Variants in TNFRSF11B observed in about 807,000 individuals in gnomAD.
TNFRSF11B encodes the protein tumor necrosis factor receptor superfamily member 11B.
A neutral mutation model predicts 43.4 loss-of-function variants in TNFRSF11B; 16 were observed. That is an observed-to-expected ratio of 0.37 (90% CI 0.25 to 0.56). The LOEUF is 0.56. TNFRSF11B is among the 20% of genes least tolerant of loss of function. The probability of loss-of-function intolerance (pLI) is 0.80; values close to 1 mark genes in which losing one functional copy is unlikely to be tolerated. For synonymous variants in TNFRSF11B, 185 were observed against 181.8 expected, an observed-to-expected ratio of 1.02 and a Z score of -0.14; for missense variants, 444 against 490.1, an observed-to-expected ratio of 0.91 and a Z score of 0.89.
intron 2 of TNFRSF11B, 152 bp downstream of exon 2, chr8:118,932,779 C>A (rs1211992021): frequency 1.1e-6 from 1 of 932,946 alleles, no homozygotes; most frequent in Non-Finnish European, 1.6e-6. Context: ...CCTTTGGAAG[C>A]ACTCCAGACA....
At chr8:118,931,564 ACTTAG>A (rs1009031870) in intron 2 of TNFRSF11B, among the ~76,000 whole-genome samples, 1 of 152,124 alleles carries the variant, frequency 6.6e-6, no homozygotes, top group South Asian at 2.1e-4. Flanking sequence ...CACACACACA[ACTTAG>A]CTTAGCTTTT....
chr8:118,929,091 A>C (rs942797286), intron 2 of TNFRSF11B, 162 bp from the exon 3 acceptor site: 4 of 673,782 alleles, frequency 5.9e-6, no homozygotes, highest in Non-Finnish European at 1.0e-5. Context: ...TAGACAGAAC[A>C]AAACTTCCAC....
At chr8:118,928,973 T>C (rs749788973) in intron 2 of TNFRSF11B, 44 bp from the exon 3 acceptor site, 2 of 1,592,976 alleles carry the variant, frequency 1.3e-6, no homozygotes, top group African/African-American at 2.7e-5. Context: ...CCTCAAATCG[T>C]TTCCCAGCAG....
At chr8:118,932,829 T>G in intron 2 of TNFRSF11B, 102 bp downstream of exon 2, 1 of 1,501,726 alleles carries the variant, frequency 6.7e-7, no homozygotes, top group Admixed American at 1.8e-5. Flanking sequence ...CTTTGCAATT[T>G]GCTATCCTAT....
At chr8:118,930,059 AG>A (rs1812304864) in intron 2 of TNFRSF11B, among the ~76,000 whole-genome samples, 1 of 152,182 alleles carries the variant, frequency 6.6e-6, no homozygotes, top group African/African-American at 2.4e-5. Flanking sequence ...AAAATGACAA[AG>A]GGCTGGCAGA....
chr8:118,929,023 GT>G, intron 2 of TNFRSF11B, 94 bp from the exon 3 acceptor site: 1 of 1,144,568 alleles, frequency 8.7e-7, no homozygotes, highest in Non-Finnish European at 1.3e-6. Flanking sequence ...TTTTCACTTG[GT>G]TTTTACTGCT....
intron 1 of TNFRSF11B, among the ~76,000 whole-genome samples, chr8:118,935,482 A>G (rs923814213): frequency 6.6e-6 from 1 of 152,178 alleles, no homozygotes; most frequent in Admixed American, 6.5e-5. Flanking sequence ...ATTACAAATA[A>G]TGATCAAAGT....
At chr8:118,947,430 G>A (rs1452544744) in intron 1 of TNFRSF11B, among the ~76,000 whole-genome samples, 2 of 152,112 alleles carry the variant, frequency 1.3e-5, no homozygotes, top group Non-Finnish European at 2.9e-5. Flanking sequence ...CTTGCAAAGA[G>A]CCCATACTTT....
Position 118,924,557 on chromosome 8 carries a change from G to A in TNFRSF11B, c.1023C>T (p.Thr341=). The change falls in exon 5 of 5, where the codon ACC becomes ACT. Residue 341 remains threonine (T), a synonymous_variant. Transcript: ENST00000297350. ...TTAGTGCGTGCATTAGGCCCTTCAA[G>A]GTGTCTTGGTCGCCATTTTTTATTC... The part of the protein sequence containing the change: ...LWRIKNGDQD[T]LKGLMHALKH... 6.2e-7 allele frequency: 1 copy of A among 1,614,158 alleles called. No homozygotes were observed. The highest frequency in any genetic ancestry group is 8.5e-7 in the Non-Finnish European group (1 of 1,180,036).
intron 1 of TNFRSF11B, among the ~76,000 whole-genome samples, chr8:118,939,273 A>T (rs1812444916): frequency 6.6e-6 from 1 of 152,150 alleles, no homozygotes; most frequent in South Asian, 2.1e-4. Context: ...CAAATAATTC[A>T]TTTATTCATT....
intron 1 of TNFRSF11B, among the ~76,000 whole-genome samples, chr8:118,940,560 G>A (rs1812472673): frequency 6.6e-6 from 1 of 152,132 alleles, no homozygotes; most frequent in Admixed American, 6.6e-5. Flanking sequence ...AATCAATGAA[G>A]GGACACAAAC....
chr8:118,943,402 AC>A (rs970425709), intron 1 of TNFRSF11B, among the ~76,000 whole-genome samples: 1 of 152,088 alleles, frequency 6.6e-6, no homozygotes, highest in African/African-American at 2.4e-5. Flanking sequence ...CAAGGATTTG[AC>A]CCTCATGAGC....
intron 4 of TNFRSF11B, among the ~76,000 whole-genome samples, chr8:118,925,129 G>A (rs1812230547): frequency 6.6e-6 from 1 of 152,188 alleles, no homozygotes; most frequent in South Asian, 2.1e-4. Context: ...TAGCTACTTT[G>A]TAATACAAAG....
intron 1 of TNFRSF11B, among the ~76,000 whole-genome samples, chr8:118,934,351 C>T (rs910201817): frequency 6.6e-6 from 1 of 152,146 alleles, no homozygotes; most frequent in South Asian, 2.1e-4. Flanking sequence ...CTCTAAACAT[C>T]ATATTGACCA....
At position 118,946,180 on chromosome 8, in the gene TNFRSF11B, T is replaced by C. The variant is rs1403011753; in HGVS notation, c.30+5612A>G. ...TTCAGGTGCTTCTGAGAAATTGGGG[T>C]GAAAAAAACTACTCAAGCACCTCGG... On this transcript the variant is annotated intron_variant, in intron 1 of 4. Coordinates refer to ENST00000297350, the MANE Select transcript of TNFRSF11B (RefSeq NM_002546.4). 7.9e-5 allele frequency among the ~76,000 whole-genome samples: 12 copies of C among 152,120 alleles called. No homozygotes were observed. In the East Asian group the frequency reaches 2.3e-3, roughly 30 times the overall value.
chr8:118,927,330 T>C (rs189220284), intron 3 of TNFRSF11B, among the ~76,000 whole-genome samples: 1 of 152,300 alleles, frequency 6.6e-6, no homozygotes, highest in Non-Finnish European at 1.5e-5. Flanking sequence ...TAATGGGTGT[T>C]TGTTTTTGGA....
chr8:118,930,599 G>T, intron 2 of TNFRSF11B: 1 of 285,564 alleles, frequency 3.5e-6, no homozygotes, highest in South Asian at 3.0e-5. Context: ...TTTAGTAGAG[G>T]CAGGGTTTCA....
At chr8:118,929,850 A>C (rs1326484352) in intron 2 of TNFRSF11B, among the ~76,000 whole-genome samples, 2 of 152,258 alleles carry the variant, frequency 1.3e-5, no homozygotes, top group Non-Finnish European at 2.9e-5. Flanking sequence ...TAGATTTTAC[A>C]GGCCAATTCT....
intron 3 of TNFRSF11B, among the ~76,000 whole-genome samples, chr8:118,928,471 T>G (rs933695165): frequency 6.6e-6 from 1 of 152,234 alleles, no homozygotes; most frequent in Non-Finnish European, 1.5e-5. Flanking sequence ...AACTTGACAC[T>G]GCCCTTTGCC....
Sources: allele counts gnomAD v4.1 joint callset (sites outside exome capture counted in the v4.1 genomes callset), GRCh38; gene constraint gnomAD v4.1.1; transcripts MANE v1.5; gene names NCBI Gene and HGNC (gene_info 2026-07-23, HGNC 2026-07-21).